EPS8: variants seen among roughly 807,000 people sequenced by gnomAD.
The protein encoded by EPS8 is EGFR pathway substrate 8, signaling adaptor, also known as epidermal growth factor receptor kinase substrate 8.
A neutral mutation model predicts 103.8 loss-of-function variants in EPS8; 42 were observed. That is an observed-to-expected ratio of 0.40 (90% confidence interval 0.32 to 0.52). EPS8 has a LOEUF of 0.52. Among genes scored for constraint, EPS8 ranks in the 20% least tolerant of loss-of-function variants. EPS8 has a pLI of 0.40. For synonymous variants in EPS8, 344 were observed against 344.6 expected, an observed-to-expected ratio of 1.00 and a Z score of 0.02; for missense variants, 969 against 1,005.1, an observed-to-expected ratio of 0.96 and a Z score of 0.49.
intron 1 of EPS8, among the ~76,000 whole-genome samples, chr12:15,775,167 G>A (rs1335254868): frequency 2.0e-5 from 3 of 152,078 alleles, no homozygotes; most frequent in Non-Finnish European, 4.4e-5. Flanking sequence ...TCATATGGCA[G>A]TCTTAAAGTT....
rs1223387315 is a variant in EPS8 at position 15,777,235 on chromosome 12, T to C, written c.-22+11926A>G. Among the ~76,000 whole-genome samples, 1 of 151,582 alleles carries C rather than the reference T, an allele frequency of 6.6e-6. No individual in the cohort carries two copies. Among genetic ancestry groups the C allele is most frequent in the African/African-American group, 2.4e-5 (1 of 41,242 alleles). On this transcript the variant is annotated intron_variant, in intron 1 of 20. Coordinates refer to ENST00000281172, the MANE Select transcript of EPS8 (RefSeq NM_004447.6). This position sits in a 1 kb window ranked among gnomAD's most constrained non-coding sequence, Gnocchi z 4.7. ...TATATTTTAATTCAAATTCTAAAAT[T>C]CCCTACAGTGATAAGGGGTACTTAC...
intron 3 of EPS8, among the ~76,000 whole-genome samples, chr12:15,679,187 T>C (rs1051835857): frequency 6.6e-6 from 1 of 152,192 alleles, no homozygotes; most frequent in African/African-American, 2.4e-5. Flanking sequence ...TCCATCCATA[T>C]TCATCAAATT....
chr12:15,668,381 T>C (rs1945754166), intron 6 of EPS8, among the ~76,000 whole-genome samples: 1 of 152,218 alleles, frequency 6.6e-6, no homozygotes, highest in Non-Finnish European at 1.5e-5. Context: ...AGTTTCTTTA[T>C]AAAATAAAAT....
rs1241230985 is a variant in EPS8 at position 15,780,158 on chromosome 12, A to C, written c.-22+9003T>G. On this transcript the variant is annotated intron_variant, in intron 1 of 20. Transcript: ENST00000281172. The surrounding 1 kb of genome is among the most constrained non-coding windows in gnomAD (Gnocchi z 4.1). ...TATGCAATTCTTAAACAGGTTTGGTATCTTTATTCTCTTCTGCTACAATGT... is the reference window on the plus strand; with the variant it reads ...TATGCAATTCTTAAACAGGTTTGGTCTCTTTATTCTCTTCTGCTACAATGT... 1 of 152,210 alleles carries C rather than the reference A, an allele frequency of 6.6e-6. No homozygotes were observed. Among genetic ancestry groups the C allele is most frequent in the Admixed American group, 6.5e-5 (1 of 15,270 alleles). 9.4% of individuals were successfully genotyped at this position (152,210 alleles called of 1,614,324 possible).
At position 15,785,113 on chromosome 12, in the gene EPS8, C is replaced by T. The variant is rs575371521; in HGVS notation, c.-22+4048G>A. 2.6e-5 allele frequency among the ~76,000 whole-genome samples: 4 copies of T among 151,986 alleles called. No homozygotes were observed. Among genetic ancestry groups the T allele is most frequent in the Non-Finnish European group, 4.4e-5 (3 of 67,948 alleles). ...AAGAGTAAACTTTAATGTATGCAAACGTAAGCAAATCATTTAGAAGGTCAA... is the reference window on the plus strand; with the variant it reads ...AAGAGTAAACTTTAATGTATGCAAATGTAAGCAAATCATTTAGAAGGTCAA... On this transcript the variant is annotated intron_variant, in intron 1 of 20. Transcript: ENST00000281172. This position sits in a 1 kb window ranked among gnomAD's most constrained non-coding sequence, Gnocchi z 4.9.
At chr12:15,646,750 G>A (rs1039228501) in intron 15 of EPS8, among the ~76,000 whole-genome samples, 3 of 152,098 alleles carry the variant, frequency 2.0e-5, no homozygotes, top group Non-Finnish European at 4.4e-5. Context: ...GTTTTCATTG[G>A]GTGAAGATAA....
At chr12:15,679,466 C>T (rs1271011511) in intron 3 of EPS8, among the ~76,000 whole-genome samples, 1 of 152,200 alleles carries the variant, frequency 6.6e-6, no homozygotes, top group Non-Finnish European at 1.5e-5. Context: ...ATACTAGCCA[C>T]TATGCCAGTA....
chr12:15,718,272 A>G (rs933540090), intron 1 of EPS8, among the ~76,000 whole-genome samples: 6 of 152,228 alleles, frequency 3.9e-5, no homozygotes, highest in Admixed American at 3.3e-4. Flanking sequence ...AACCTATTTA[A>G]TTAGATTTTG....
At chr12:15,732,767 TTGGAGGTTACAG>T (rs1946730831) in intron 1 of EPS8, 1 of 982,732 alleles carries the variant, frequency 1.0e-6, no homozygotes, top group Non-Finnish European at 1.2e-6. Context: ...TACTCATAGT[TTGGAGGTTACAG>T]TGGCCACAGG....
At chr12:15,681,736 A>G (rs1946012748) in intron 2 of EPS8, among the ~76,000 whole-genome samples, 1 of 150,716 alleles carries the variant, frequency 6.6e-6, no homozygotes, top group Non-Finnish European at 1.5e-5. Context: ...CTCAAAAAAA[A>G]AAAAAAAAAA....
rs1277419305 is a variant in EPS8 at position 15,772,622 on chromosome 12, G to A, written c.-22+16539C>T. Among the ~76,000 whole-genome samples, 2 of 152,132 alleles carry A rather than the reference G, an allele frequency of 1.3e-5. No individual in the cohort carries two copies. ...AGATGGTGCTAGAACTTACTTGAGA[G>A]TTTCACTTAGGAAGAATTTTGGATA... On this transcript the variant is annotated intron_variant, in intron 1 of 20. Transcript: ENST00000281172. This position sits in a 1 kb window ranked among gnomAD's most constrained non-coding sequence, Gnocchi z 5.0.
intron 11 of EPS8, 139 bp from the exon 12 acceptor site, chr12:15,658,292 A>C: frequency 1.5e-6 from 1 of 678,694 alleles, no homozygotes. Context: ...TAGAGTGAGA[A>C]TAGAAGTCAT....
chr12:15,670,679 C>A (rs77407826), intron 4 of EPS8, among the ~76,000 whole-genome samples, 177 bp downstream of exon 4: 11 of 151,954 alleles, frequency 7.2e-5, no homozygotes, highest in Non-Finnish European at 1.6e-4. Context: ...TGAAAATAGA[C>A]CACAGACTAA....
At chr12:15,626,623 G>A (rs1247022842) in intron 18 of EPS8, among the ~76,000 whole-genome samples, 19 of 113,286 alleles carry the variant, frequency 1.7e-4, no homozygotes, top group Non-Finnish European at 2.3e-4. Flanking sequence ...GCAAGACTCC[G>A]TCTCAAAAAA....
rs1474212617 is a variant in EPS8, at chr12:15,784,685, G to A, written c.-22+4476C>T. On this transcript the variant is annotated intron_variant, in intron 1 of 20. Transcript: ENST00000281172. The surrounding 1 kb of genome is among the most constrained non-coding windows in gnomAD (Gnocchi z 4.0). ...CTTATGTCTACCCAAAAACCTGCAT[G>A]TGAATATTCATAGCAGCTTCGTTCA... 6.6e-6 allele frequency among the ~76,000 whole-genome samples: 1 copy of A among 152,120 alleles called. No homozygotes were observed. Among genetic ancestry groups the A allele is most frequent in the East Asian group, 1.9e-4 (1 of 5,188 alleles).
At chr12:15,664,432 C>T (rs930175508) in intron 8 of EPS8, among the ~76,000 whole-genome samples, 14 of 152,026 alleles carry the variant, frequency 9.2e-5, no homozygotes, top group Non-Finnish European at 1.0e-4. Flanking sequence ...CTCAATTTGG[C>T]AAAATGAAAA....
At chr12:15,744,405 G>C (rs2136010538) in intron 1 of EPS8, among the ~76,000 whole-genome samples, 2 of 152,218 alleles carry the variant, frequency 1.3e-5, no homozygotes, top group South Asian at 4.1e-4. Flanking sequence ...CTAGATCCAA[G>C]TATACAAGGA....
In EPS8 at chr12:15,654,082, T is replaced by C. The variant is rs949839455; in HGVS notation, c.1250+63A>G. ...GTATGTAGAAGGTTAAATAAATGTC[T>C]CATTAGATCCATGTAATTAACAAAG... On this transcript the variant is annotated intron_variant, in intron 13 of 20. Coordinates refer to ENST00000281172, the MANE Select transcript of EPS8 (RefSeq NM_004447.6). The C allele has an allele frequency of 2.1e-6, 3 of 1,457,418 alleles. No homozygotes were observed. In the African/African-American group the frequency reaches 4.2e-5, roughly 21 times the overall value. The allele number at this position is 1,457,418 out of a possible 1,614,324, so 90.3% of individuals were successfully genotyped here.
chr12:15,650,866 G>A lies in EPS8; in HGVS notation c.1391C>T (p.Ala464Val). ...TATTTCCTGTTTGCGCTGATGTTCT[G>A]CTACATTTGCCACAGATTCTGCCAG... is the stretch of plus-strand genomic sequence containing the variant. Reference protein sequence around the residue: ...YQLAESVANVAEHQRKQEIKR... With the variant: ...YQLAESVANVVEHQRKQEIKR... The change falls in exon 14 of 21, where the codon GCA becomes GTA. Residue 464 changes from alanine (A) to valine (V), a missense_variant. Transcript: ENST00000281172. The A allele has an allele frequency of 6.2e-7, 1 of 1,613,940 alleles. No individual in the cohort carries two copies. The highest frequency in any genetic ancestry group is 8.5e-7 in the Non-Finnish European group (1 of 1,179,950).
Sources: gnomAD v4.1 joint callset for allele counts (sites outside exome capture counted in the v4.1 genomes callset) on GRCh38, gnomAD v4.1.1 for gene constraint, Gnocchi (gnomAD v3.1) non-coding constraint, MANE v1.5 for transcripts, NCBI Gene and HGNC (gene_info 2026-07-23, HGNC 2026-07-21) for gene names.